PIK3C2G: variants seen among roughly 807,000 people sequenced by gnomAD.
PIK3C2G encodes the protein phosphatidylinositol 3-kinase C2 domain-containing subunit gamma.
PIK3C2G carries 168 observed loss-of-function variants against 181.1 expected under a neutral mutation model. The ratio of observed to expected loss-of-function variants is 0.93; its 90% confidence interval spans 0.82 to 1.05. PIK3C2G has a LOEUF of 1.05. Ranked by LOEUF, PIK3C2G falls within the 50% of genes least tolerant of loss-of-function variation. PIK3C2G has a pLI of 0.00. For synonymous variants in PIK3C2G, 573 were observed against 592.2 expected, an observed-to-expected ratio of 0.97 and a Z score of 0.47; for missense variants, 1,869 against 1,732.8, an observed-to-expected ratio of 1.08 and a Z score of -1.40.
chr12:18,647,605 A>G (rs1294877653), intron 32 of PIK3C2G, among the ~76,000 whole-genome samples: 1 of 152,166 alleles, frequency 6.6e-6, no homozygotes, highest in Non-Finnish European at 1.5e-5. Flanking sequence ...AGAGTAATTT[A>G]CCATCTTGCT....
chr12:18,494,318 AT>A lies in PIK3C2G; in HGVS notation c.2794-1737del, dbSNP rs1195257872. 4.6e-5 allele frequency among the ~76,000 whole-genome samples: 7 copies of A among 151,766 alleles called. No homozygotes were observed. In the East Asian group the frequency reaches 9.7e-4, roughly 21 times the overall value. On this transcript the variant is annotated intron_variant, in intron 20 of 32. Transcript: ENST00000538779. ...TTCAAGATCTAGTAAAACTCTGAAA[AT>A]TTTTTTCTTAAAATGTGGCTTCATT...
At chr12:18,491,783 C>A (rs1045698575) in intron 20 of PIK3C2G, among the ~76,000 whole-genome samples, 2 of 151,476 alleles carry the variant, frequency 1.3e-5, no homozygotes, top group Non-Finnish European at 2.9e-5. Context: ...AACAAACTAT[C>A]CATCAGTTCA....
intron 18 of PIK3C2G, among the ~76,000 whole-genome samples, chr12:18,430,107 G>T (rs1324367115): frequency 6.6e-6 from 1 of 152,174 alleles, no homozygotes; most frequent in Non-Finnish European, 1.5e-5. Flanking sequence ...CACAAACAGT[G>T]AAATTCTGCC....
At chr12:18,490,650 G>T (rs1940474497) in intron 19 of PIK3C2G, among the ~76,000 whole-genome samples, 2 of 152,014 alleles carry the variant, frequency 1.3e-5, no homozygotes, top group South Asian at 4.1e-4. Context: ...CCTGTGTCTG[G>T]CTTATTTCAC....
chr12:18,322,249 G>T (rs1271226396), intron 7 of PIK3C2G, among the ~76,000 whole-genome samples: 2 of 151,940 alleles, frequency 1.3e-5, no homozygotes, highest in Non-Finnish European at 2.9e-5. Context: ...GGGCATGGTG[G>T]CATGTGCCTG....
chr12:18,683,131 T>C, the PIK3C2G span: 2 of 933,890 alleles, frequency 2.1e-6, no homozygotes, highest in East Asian at 5.3e-5. Context: ...ATTTCTAGTT[T>C]TATGAGTAAT....
intron 12 of PIK3C2G, among the ~76,000 whole-genome samples, chr12:18,363,575 A>C (rs984084910): frequency 1.3e-5 from 2 of 151,816 alleles, no homozygotes; most frequent in African/African-American, 4.8e-5. Context: ...GCTTGCTCTC[A>C]GTCATTTCCC....
At chr12:18,585,626 C>T (rs1011278384) in intron 29 of PIK3C2G, among the ~76,000 whole-genome samples, 2 of 152,100 alleles carry the variant, frequency 1.3e-5, no homozygotes, top group Non-Finnish European at 1.5e-5. Context: ...ACTGACAGTA[C>T]TAGACAGATC....
At chr12:18,447,433 A>G (rs988124308) in intron 18 of PIK3C2G, among the ~76,000 whole-genome samples, 6 of 152,216 alleles carry the variant, frequency 3.9e-5, no homozygotes, top group Non-Finnish European at 8.8e-5. Context: ...TTTTAAAATA[A>G]AAGTTTCAAA....
At chr12:18,612,751 C>T (rs11838164) in intron 31 of PIK3C2G, among the ~76,000 whole-genome samples, 1 of 152,058 alleles carries the variant, frequency 6.6e-6, no homozygotes. Context: ...TAACATTGTG[C>T]TGGATTTTAC....
At chr12:18,641,743 C>CTTTTTTTTTTTT (rs11285609) in intron 32 of PIK3C2G, among the ~76,000 whole-genome samples, 2,323 of 93,118 alleles carry the variant, frequency 0.025, 347 homozygotes, top group African/African-American at 0.093. Context: ...CTCTCTCAAG[C>CTTTTTTTTTTTT]TTTTTTTTTT....
At chr12:18,505,158 G>A (rs1488863273) in intron 23 of PIK3C2G, 134 bp from the exon 24 acceptor site, 1 of 652,988 alleles carries the variant, frequency 1.5e-6, no homozygotes, top group African/African-American at 1.8e-5. Context: ...GTACCCTCCT[G>A]TCCACTGAGA....
At chr12:18,403,342 A>G (rs1944357078) in intron 16 of PIK3C2G, among the ~76,000 whole-genome samples, 1 of 152,162 alleles carries the variant, frequency 6.6e-6, no homozygotes, top group Non-Finnish European at 1.5e-5. Flanking sequence ...GTCACTGCAA[A>G]TGTTGGAGTA....
At chr12:18,583,825 A>T (rs1412711503) in intron 29 of PIK3C2G, among the ~76,000 whole-genome samples, 1 of 152,152 alleles carries the variant, frequency 6.6e-6, no homozygotes, top group East Asian at 1.9e-4. Flanking sequence ...TATGTCCTCC[A>T]AATGACTGCA....
intron 26 of PIK3C2G, among the ~76,000 whole-genome samples, chr12:18,557,910 A>C (rs1945094615): frequency 6.6e-6 from 1 of 152,172 alleles, no homozygotes; most frequent in Non-Finnish European, 1.5e-5. Flanking sequence ...TTAATACTAC[A>C]GAGATGTTAA....
chr12:18,472,518 A>G (rs1938555419), intron 18 of PIK3C2G, among the ~76,000 whole-genome samples: 3 of 152,156 alleles, frequency 2.0e-5, no homozygotes, highest in African/African-American at 7.2e-5. Flanking sequence ...CATCACGATC[A>G]CCCTCATGAT....
the PIK3C2G span, among the ~76,000 whole-genome samples, chr12:18,709,160 A>G: frequency 2.0e-5 from 3 of 152,052 alleles, no homozygotes; most frequent in Non-Finnish European, 2.9e-5. Context: ...ATTATATGTA[A>G]GTTTTTTATC....
intron 3 of PIK3C2G, 115 bp downstream of exon 3, chr12:18,287,044 T>C (rs1949475885): frequency 2.3e-6 from 1 of 444,432 alleles, no homozygotes; most frequent in South Asian, 9.0e-5. Context: ...ATGTAATTTC[T>C]GAACACACTA....
At chr12:18,607,144 C>G (rs1592702804) in intron 30 of PIK3C2G, 1 of 515,816 alleles carries the variant, frequency 1.9e-6, no homozygotes, top group East Asian at 5.5e-5. Context: ...GATGACCACA[C>G]AAACTATTTT....
Sources: gnomAD v4.1 joint callset for allele counts (sites outside exome capture counted in the v4.1 genomes callset) on GRCh38, gnomAD v4.1.1 for gene constraint, MANE v1.5 for transcripts, NCBI Gene and HGNC (gene_info 2026-07-23, HGNC 2026-07-21) for gene names.